Variants in PRXL2A observed in about 807,000 individuals in gnomAD.
PRXL2A encodes the protein peroxiredoxin like 2A.
In PRXL2A, 26 loss-of-function variants were observed where a neutral mutation model predicts 25.6. The observed-to-expected ratio is 1.02, with a 90% confidence interval of 0.74 to 1.41. The LOEUF is 1.41. Ranked by LOEUF, PRXL2A falls within the 40% of genes most tolerant of loss-of-function variation. The probability of loss-of-function intolerance (pLI) is 0.00; values close to 1 mark genes in which losing one functional copy is unlikely to be tolerated. For missense variants in PRXL2A, 246 were observed against 273.9 expected (o/e 0.90, Z 0.72); for synonymous variants, 98 against 102.9 (o/e 0.95, Z 0.29).
rs1269075227 is a variant in PRXL2A at position 80,436,021 on chromosome 10, C to T, written c.*3922C>T. On this transcript the variant is annotated 3_prime_UTR_variant, in exon 6 of 6. Coordinates refer to ENST00000606162, the MANE Select transcript of PRXL2A (RefSeq NM_032333.5). ...CTGTAAAGCTGGTGGTTCTCAATCT[C>T]GGATACACAGTAGAATCACCTGGTG... is the stretch of plus-strand genomic sequence containing the variant. 6.6e-6 allele frequency: 1 copy of T among 151,282 alleles called. No individual in the cohort carries two copies. Among genetic ancestry groups the T allele is most frequent in the Non-Finnish European group, 1.5e-5 (1 of 67,962 alleles). 9.4% of individuals were successfully genotyped at this position (151,282 alleles called of 1,614,324 possible). A position where few individuals can be genotyped will look rare whatever the true frequency, so the allele number is the denominator to read the frequency against.
In PRXL2A at chr10:80,433,935, C is replaced by G. The variant is rs1043994215; in HGVS notation, c.*1836C>G. 7.2e-5 allele frequency: 11 copies of G among 152,324 alleles called. No homozygotes were observed. Among genetic ancestry groups the G allele is most frequent in the African/African-American group, 2.6e-4 (11 of 41,554 alleles). 9.4% of individuals were successfully genotyped at this position (152,324 alleles called of 1,614,324 possible). A position where few individuals can be genotyped will look rare whatever the true frequency, so the allele number is the denominator to read the frequency against. On this transcript the variant is annotated 3_prime_UTR_variant, in exon 6 of 6. Coordinates refer to ENST00000606162, the MANE Select transcript of PRXL2A (RefSeq NM_032333.5). ...TCACTTGAGGTCAGGAGTTCGAGAC[C>G]AGCCTGGCCAGCATGGTGAAACCCC...
At chr10:80,409,109 T>A in intron 1 of PRXL2A, 1 of 983,010 alleles carries the variant, frequency 1.0e-6, no homozygotes, top group Non-Finnish European at 1.2e-6. Context: ...CTGTGCCCGC[T>A]TAGGGTCGTG....
chr10:80,409,362 C>G (rs936313163), intron 1 of PRXL2A, among the ~76,000 whole-genome samples: 3 of 152,146 alleles, frequency 2.0e-5, no homozygotes, highest in Non-Finnish European at 4.4e-5. Context: ...CAAGGCCCAG[C>G]CGGTCCAGGG....
chr10:80,421,541 TAGTA>T (rs999840717), intron 2 of PRXL2A, among the ~76,000 whole-genome samples: 2 of 152,146 alleles, frequency 1.3e-5, no homozygotes, highest in African/African-American at 4.8e-5. Context: ...TAGGTCACCT[TAGTA>T]AGATACTAGG....
intron 5 of PRXL2A, among the ~76,000 whole-genome samples, chr10:80,429,293 T>A (rs1475997013): frequency 6.6e-6 from 1 of 152,208 alleles, no homozygotes; most frequent in Non-Finnish European, 1.5e-5. Context: ...TCTGTCAAAG[T>A]GTCTTAGTAA....
At chr10:80,410,131 ATCTAAGCAATAGGGCAGCTGTCCTG>A (rs1844429027) in intron 1 of PRXL2A, among the ~76,000 whole-genome samples, 1 of 152,238 alleles carries the variant, frequency 6.6e-6, no homozygotes, top group South Asian at 2.1e-4. Context: ...CTCTGTCCCT[ATCTAAGCAATAGGGCAGCTGTCCTG>A]CCAGTTGGGT....
chr10:80,421,858 T>A (rs1432798907), intron 2 of PRXL2A, among the ~76,000 whole-genome samples: 1 of 152,068 alleles, frequency 6.6e-6, no homozygotes, highest in East Asian at 1.9e-4. Context: ...GAAGCTGAGG[T>A]TCAAAGAGCA....
chr10:80,426,065 A>G (rs1845034938), intron 4 of PRXL2A, 59 bp downstream of exon 4: 3 of 1,603,472 alleles, frequency 1.9e-6, no homozygotes, highest in Admixed American at 3.3e-5. Context: ...CAGCTGTGTG[A>G]TAGTCAGGTG....
chr10:80,430,327 C>G (rs2131915299), intron 5 of PRXL2A, among the ~76,000 whole-genome samples: 1 of 152,178 alleles, frequency 6.6e-6, no homozygotes, highest in East Asian at 1.9e-4. Context: ...GTCTCAAACT[C>G]CTGACCTCAA....
At chr10:80,410,580 G>A (rs910022090) in intron 1 of PRXL2A, among the ~76,000 whole-genome samples, 3 of 152,220 alleles carry the variant, frequency 2.0e-5, no homozygotes, top group Admixed American at 6.5e-5. Flanking sequence ...CTGCTTTGCC[G>A]TTTTCTAGTG....
intron 5 of PRXL2A, among the ~76,000 whole-genome samples, chr10:80,431,053 G>A (rs889760425): frequency 1.3e-5 from 2 of 152,050 alleles, no homozygotes; most frequent in East Asian, 1.9e-4. Context: ...TTGAGCTACC[G>A]TACCTGGCTA....
At chr10:80,411,368 G>A (rs140653618) in intron 1 of PRXL2A, among the ~76,000 whole-genome samples, 19 of 152,314 alleles carry the variant, frequency 1.2e-4, no homozygotes, top group Admixed American at 5.9e-4. Context: ...CCCTGTTTAC[G>A]GGCAGTCTTG....
chr10:80,417,711 C>T (rs1484299674), intron 1 of PRXL2A, among the ~76,000 whole-genome samples: 1 of 151,786 alleles, frequency 6.6e-6, no homozygotes, highest in African/African-American at 2.4e-5. Flanking sequence ...GTTTGGTTAC[C>T]CCCGTTACCT....
In PRXL2A at chr10:80,420,655, G is replaced by A. The variant is rs1844832744; in HGVS notation, c.178+10G>A. The A allele has an allele frequency of 6.3e-7, 1 of 1,578,328 alleles. No individual in the cohort carries two copies. Among genetic ancestry groups the A allele is most frequent in the East Asian group, 2.3e-5 (1 of 43,668 alleles). ...AAAACACTGGAGAAGGGTAAGTGGT[G>A]ACCCTTCAGGTCTCAGTACTTTTCC... On this transcript the variant is annotated intron_variant, in intron 2 of 5. Coordinates refer to ENST00000606162, the MANE Select transcript of PRXL2A (RefSeq NM_032333.5).
chr10:80,424,765 G>A (rs562471614), intron 3 of PRXL2A, among the ~76,000 whole-genome samples: 2 of 152,292 alleles, frequency 1.3e-5, no homozygotes, highest in South Asian at 4.1e-4. Flanking sequence ...GGAGGCTGAG[G>A]CGTGAGAATC....
intron 5 of PRXL2A, among the ~76,000 whole-genome samples, chr10:80,428,090 T>A (rs1845114578): frequency 1.3e-5 from 2 of 152,176 alleles, no homozygotes; most frequent in Admixed American, 1.3e-4. Flanking sequence ...CGATGCTTTT[T>A]TCTGTGGGGA....
chr10:80,430,446 G>A (rs1244531404), intron 5 of PRXL2A, among the ~76,000 whole-genome samples: 4 of 152,250 alleles, frequency 2.6e-5, no homozygotes, highest in African/African-American at 7.2e-5. Flanking sequence ...TCTTAAAGAA[G>A]AAGCAGCTGG....
Position 80,432,868 on chromosome 10 carries a change from GA to G in PRXL2A, c.*770del, listed in dbSNP as rs1457989614. 2.6e-5 allele frequency: 4 copies of G among 152,176 alleles called. No homozygotes were observed. The highest frequency in any genetic ancestry group is 9.6e-5 in the African/African-American group (4 of 41,518). The allele number at this position is 152,176 out of a possible 1,614,324, so 9.4% of individuals were successfully genotyped here. A position where few individuals can be genotyped will look rare whatever the true frequency, so the allele number is the denominator to read the frequency against. On this transcript the variant is annotated 3_prime_UTR_variant, in exon 6 of 6. Transcript: ENST00000606162. Reference sequence around the variant, plus strand: ...TCATAATAGAATTGACATGCTCTGGGATAGTTTGACAAAGGTAAATTATAAA... The same window carrying G: ...TCATAATAGAATTGACATGCTCTGGGTAGTTTGACAAAGGTAAATTATAAA...
chr10:80,425,825 C>T (rs1461328176), intron 3 of PRXL2A, 41 bp from the exon 4 acceptor site: 2 of 1,611,914 alleles, frequency 1.2e-6, no homozygotes, highest in East Asian at 2.2e-5. Context: ...GGCCCACAGC[C>T]AGCTGGGACA....
Sources: gnomAD v4.1 joint callset for allele counts (sites outside exome capture counted in the v4.1 genomes callset) on GRCh38, gnomAD v4.1.1 for gene constraint, MANE v1.5 for transcripts, NCBI Gene and HGNC (gene_info 2026-07-23, HGNC 2026-07-21) for gene names.